The following PRKN variants were observed in gnomAD, a reference collection of about 807,000 sequenced individuals.
PRKN encodes E3 ubiquitin-protein ligase parkin.
A neutral mutation model predicts 59.5 loss-of-function variants in PRKN; 56 were observed. That is an observed-to-expected ratio of 0.94 (90% CI 0.76 to 1.18). The LOEUF (loss-of-function observed/expected upper bound fraction) is 1.18, where lower values mean the gene tolerates loss of function less well. Ranked by LOEUF, PRKN falls within the 50% of genes most tolerant of loss-of-function variation. The probability of loss-of-function intolerance (pLI) is 0.00; values close to 1 mark genes in which losing one functional copy is unlikely to be tolerated. For synonymous variants in PRKN, 250 were observed against 222.1 expected, an observed-to-expected ratio of 1.13 and a Z score of -1.12; for missense variants, 657 against 596.4, an observed-to-expected ratio of 1.10 and a Z score of -1.06.
At chr6:162,684,732 G>A (rs926277972) in intron 1 of PRKN, among the ~76,000 whole-genome samples, 3 of 152,070 alleles carry the variant, frequency 2.0e-5, no homozygotes, top group Non-Finnish European at 2.9e-5. Context: ...TCTGTTCACT[G>A]TTAGTGAGGT....
chr6:162,354,176 T>C (rs1784746118), intron 2 of PRKN, among the ~76,000 whole-genome samples: 1 of 152,130 alleles, frequency 6.6e-6, no homozygotes, highest in South Asian at 2.1e-4. Flanking sequence ...AAGAGGAAGG[T>C]ATACACACCA....
In PRKN at chr6:162,024,193, C is replaced by CT. The variant is rs1783326239; in HGVS notation, c.618+29897_618+29898insA. ...TCCCTTCCTCCCTCCCTCCCCCAAC[C>CT]CTTTTTTTTTTTTTTTTTTTTTTTG... is the stretch of plus-strand genomic sequence containing the variant. On this transcript the variant is annotated intron_variant, in intron 5 of 11. Transcript: ENST00000366898. Among the ~76,000 whole-genome samples, 38 of 99,500 alleles carry CT rather than the reference C, an allele frequency of 3.8e-4. 1 individual carries two copies. Among genetic ancestry groups the CT allele is most frequent in the Admixed American group, 1.2e-4 (1 of 8,548 alleles). The allele number at this position is 99,500 out of a possible 152,430, so 65.3% of individuals were successfully genotyped here. A position where few individuals can be genotyped will look rare whatever the true frequency, so the allele number is the denominator to read the frequency against.
At chr6:161,838,698 C>T (rs567383083) in intron 6 of PRKN, among the ~76,000 whole-genome samples, 48 of 152,362 alleles carry the variant, frequency 3.2e-4, no homozygotes, top group African/African-American at 1.1e-3. Context: ...CGTCCCACTG[C>T]ACTGGCTGGC....
chr6:162,640,332 G>C (rs1287665924), intron 1 of PRKN, among the ~76,000 whole-genome samples: 7 of 152,090 alleles, frequency 4.6e-5, no homozygotes, highest in Non-Finnish European at 8.8e-5. Flanking sequence ...TAAAAAGAGA[G>C]CAAGATTCTT....
intron 7 of PRKN, among the ~76,000 whole-genome samples, chr6:161,774,485 A>C (rs1562673594): frequency 6.6e-6 from 1 of 151,972 alleles, no homozygotes; most frequent in Non-Finnish European, 1.5e-5. Context: ...GGAACGTGGA[A>C]ATAAGTGACA....
intron 2 of PRKN, among the ~76,000 whole-genome samples, chr6:162,393,152 A>ATTT (rs1369959830): frequency 1.3e-5 from 1 of 78,104 alleles, no homozygotes; most frequent in Non-Finnish European, 2.4e-5. Flanking sequence ...AGGATAGGAG[A>ATTT]TTCTTTTTTT....
intron 1 of PRKN, among the ~76,000 whole-genome samples, chr6:162,573,268 G>C (rs1302691343): frequency 1.3e-5 from 2 of 152,204 alleles, no homozygotes; most frequent in South Asian, 2.1e-4. Context: ...CTCACTCTGT[G>C]CATGCAAGCT....
At position 161,531,254 on chromosome 6, in the gene PRKN, G is replaced by A. The variant is rs1243234780; in HGVS notation, c.1083+17600C>T. The stretch of plus-strand genomic sequence containing the variant: ...AAATTAGCCGGGTATGGTGGCGGGC[G>A]CCTGTAGTCCCAGCTACTCGGGAGG... On this transcript the variant is annotated intron_variant, in intron 9 of 11. Coordinates refer to ENST00000366898, the MANE Select transcript of PRKN (RefSeq NM_004562.3). 5.9e-5 allele frequency among the ~76,000 whole-genome samples: 9 copies of A among 151,730 alleles called. No individual in the cohort carries two copies. In the East Asian group the frequency reaches 1.8e-3, roughly 30 times the overall value.
rs553759235 is a variant in PRKN at position 162,439,959 on chromosome 6, C to T, written c.171+3351G>A. Reference sequence around the variant, plus strand: ...GTATACATGAGTTTTGTCTACATAGCGGTTGGCACCCCTAACTCCATGACT... The same window carrying T: ...GTATACATGAGTTTTGTCTACATAGTGGTTGGCACCCCTAACTCCATGACT... On this transcript the variant is annotated intron_variant, in intron 2 of 11. Transcript: ENST00000366898. Among the ~76,000 whole-genome samples, 7 of 152,208 alleles carry T rather than the reference C, an allele frequency of 4.6e-5. No individual in the cohort carries two copies. In the East Asian group the frequency reaches 7.7e-4, roughly 17 times the overall value.
intron 2 of PRKN, among the ~76,000 whole-genome samples, chr6:162,365,272 T>A (rs1445480972): frequency 6.6e-6 from 1 of 152,174 alleles, no homozygotes; most frequent in Non-Finnish European, 1.5e-5. Flanking sequence ...TTCTGTAATG[T>A]GCTTTTTCAT....
At chr6:162,171,017 C>G (rs1364142305) in intron 4 of PRKN, among the ~76,000 whole-genome samples, 1 of 151,876 alleles carries the variant, frequency 6.6e-6, no homozygotes, top group African/African-American at 2.4e-5. Context: ...TGATTCTGTC[C>G]TAGATACTGG....
chr6:161,751,285 C>T (rs1788682737), intron 7 of PRKN, among the ~76,000 whole-genome samples: 1 of 152,164 alleles, frequency 6.6e-6, no homozygotes, highest in Non-Finnish European at 1.5e-5. Context: ...TGTTTGGTTT[C>T]CTCCAAGTAG....
intron 7 of PRKN, among the ~76,000 whole-genome samples, chr6:161,702,671 A>C (rs1786303104): frequency 6.6e-6 from 1 of 152,186 alleles, no homozygotes; most frequent in Admixed American, 6.5e-5. Context: ...ACTGAACTGT[A>C]CATTTGAAGT....
intron 6 of PRKN, among the ~76,000 whole-genome samples, chr6:161,808,765 A>G (rs1456624821): frequency 6.6e-6 from 1 of 152,188 alleles, no homozygotes; most frequent in Non-Finnish European, 1.5e-5. Context: ...CATATGACAA[A>G]TGAAAAGTAA....
chr6:162,468,017 C>T (rs979340181), intron 1 of PRKN, among the ~76,000 whole-genome samples: 4 of 152,166 alleles, frequency 2.6e-5, no homozygotes, highest in South Asian at 2.1e-4. Flanking sequence ...AATTAAGCAG[C>T]CTCCCTAACT....
intron 9 of PRKN, among the ~76,000 whole-genome samples, chr6:161,476,991 C>T (rs185420032): frequency 6.6e-6 from 1 of 152,290 alleles, no homozygotes; most frequent in East Asian, 1.9e-4. Flanking sequence ...GTAAGGCAGG[C>T]ACGGAAGTGC....
chr6:161,771,367 A>ATAAT (rs1436271708), intron 7 of PRKN, among the ~76,000 whole-genome samples: 2 of 82,746 alleles, frequency 2.4e-5, no homozygotes, highest in East Asian at 2.7e-4. Flanking sequence ...AAAAAAAAAA[A>ATAAT]AAAATAAAAT....
Position 162,359,073 on chromosome 6 carries a change from A to ATATAT in PRKN, c.171+84236_171+84237insATATA, listed in dbSNP as rs201385403. On this transcript the variant is annotated intron_variant, in intron 2 of 11. Coordinates refer to ENST00000366898, the MANE Select transcript of PRKN (RefSeq NM_004562.3). ...ACACACTGTGGCAAAAAAAAAAAAA[A>ATATAT]AAAAAAATATATATATATATATATG... Among the ~76,000 whole-genome samples the ATATAT allele has an allele frequency of 5.4e-3, 485 of 89,554 alleles. 1 individual carries two copies. Among genetic ancestry groups the ATATAT allele is most frequent in the African/African-American group, 6.8e-3 (114 of 16,858 alleles). The allele number at this position is 89,554 out of a possible 152,430, so 58.8% of individuals were successfully genotyped here.
At chr6:162,184,230 T>C (rs1376050475) in intron 4 of PRKN, among the ~76,000 whole-genome samples, 2 of 152,178 alleles carry the variant, frequency 1.3e-5, no homozygotes, top group Non-Finnish European at 2.9e-5. Context: ...TAAGCAAAAA[T>C]TACTGATTGC....
Sources: gnomAD v4.1 joint callset for allele counts (sites outside exome capture counted in the v4.1 genomes callset) on GRCh38, gnomAD v4.1.1 for gene constraint, MANE v1.5 for transcripts, NCBI Gene and HGNC (gene_info 2026-07-23, HGNC 2026-07-21) for gene names.